NBAS: variants seen among roughly 807,000 people sequenced by gnomAD.
NBAS encodes the protein NBAS subunit of NRZ tethering complex.
NBAS carries 219 observed loss-of-function variants against 302.5 expected under a neutral mutation model. That is an observed-to-expected ratio of 0.72 (90% confidence interval 0.65 to 0.81). The LOEUF (loss-of-function observed/expected upper bound fraction) is 0.81. Ranked by LOEUF, NBAS falls within the 30% of genes least tolerant of loss-of-function variation. The probability of loss-of-function intolerance (pLI) is 0.00; values close to 1 mark genes in which losing one functional copy is unlikely to be tolerated. For synonymous variants in NBAS, 1,118 were observed against 1,021.6 expected, an observed-to-expected ratio of 1.09 and a Z score of -1.80; for missense variants, 2,932 against 2,841.6, an observed-to-expected ratio of 1.03 and a Z score of -0.72.
intron 29 of NBAS, among the ~76,000 whole-genome samples, chr2:15,380,493 CT>C (rs1674979557): frequency 6.6e-6 from 1 of 152,116 alleles, no homozygotes; most frequent in Admixed American, 6.5e-5. Flanking sequence ...AAATGCTATA[CT>C]TACAACCAGT....
At chr2:14,988,548 T>C in the NBAS span, among the ~76,000 whole-genome samples, 1 of 152,158 alleles carries the variant, frequency 6.6e-6, no homozygotes. Context: ...CACTGTGTCA[T>C]AGTTCCAATG....
chr2:15,542,583 T>A (rs1489381457), intron 6 of NBAS, among the ~76,000 whole-genome samples: 2 of 148,168 alleles, frequency 1.3e-5, no homozygotes, highest in Non-Finnish European at 3.0e-5. Context: ...CCTGTGACCC[T>A]GCCAAATCCC....
the NBAS span, among the ~76,000 whole-genome samples, chr2:15,093,536 A>G: frequency 6.6e-6 from 1 of 152,258 alleles, no homozygotes; most frequent in African/African-American, 2.4e-5. Context: ...CTGCAAAGCT[A>G]ATTGGCAATA....
chr2:15,033,618 ATAAT>A, the NBAS span, among the ~76,000 whole-genome samples: 1 of 152,078 alleles, frequency 6.6e-6, no homozygotes, highest in Non-Finnish European at 1.5e-5. Context: ...CCTTTGGGAG[ATAAT>A]TAGTTCATAA....
chr2:15,542,835 G>C (rs1663916127), intron 6 of NBAS, among the ~76,000 whole-genome samples: 1 of 152,126 alleles, frequency 6.6e-6, no homozygotes, highest in African/African-American at 2.4e-5. Flanking sequence ...ATTTCATTTT[G>C]ATAAGATAAA....
At chr2:14,847,105 C>T in the NBAS span, among the ~76,000 whole-genome samples, 16 of 151,992 alleles carry the variant, frequency 1.1e-4, no homozygotes, top group Admixed American at 3.3e-4. Flanking sequence ...CATAGACGGC[C>T]GGGCATGGTG....
chr2:15,318,663 A>G lies in NBAS; in HGVS notation c.4582+9087T>C, dbSNP rs546732260. Among the ~76,000 whole-genome samples the G allele has an allele frequency of 2.1e-4, 32 of 152,324 alleles. No individual in the cohort carries two copies. In the Middle Eastern group the frequency reaches 0.01, roughly 49 times the overall value. On this transcript the variant is annotated intron_variant, in intron 38 of 51. Transcript: ENST00000281513. ...CAAAAGAGACAGAGGAGGCCATTAC[A>G]TAATGGTAAAGGGATCAATTCAATA...
intron 41 of NBAS, 54 bp from the exon 42 acceptor site, chr2:15,287,237 C>T (rs1670086168): frequency 7.1e-7 from 1 of 1,404,438 alleles, no homozygotes; most frequent in Non-Finnish European, 1.0e-6. Flanking sequence ...CACATGACTT[C>T]AATCAGCAAC....
Position 15,512,420 on chromosome 2 carries a change from G to C in NBAS, c.747-1070C>G, listed in dbSNP as rs568252269. The stretch of plus-strand genomic sequence containing the variant: ...TAATTTTGTTCACCTTGTGTGGCAG[G>C]CAACACAATGGCCCCCAAAAGATGT... On this transcript the variant is annotated intron_variant, in intron 9 of 51. Coordinates refer to ENST00000281513, the MANE Select transcript of NBAS (RefSeq NM_015909.4). Among the ~76,000 whole-genome samples, 11 of 152,236 alleles carry C rather than the reference G, an allele frequency of 7.2e-5. 1 individual carries two copies. In the South Asian group the frequency reaches 1.5e-3, roughly 20 times the overall value.
intron 44 of NBAS, among the ~76,000 whole-genome samples, chr2:15,242,609 A>G (rs1667915357): frequency 6.6e-6 from 1 of 151,954 alleles, no homozygotes; most frequent in Non-Finnish European, 1.5e-5. Context: ...CAGAAGTAAA[A>G]GAAAGAAATG....
In NBAS at chr2:15,352,199, A is replaced by T. The variant is rs556918689; in HGVS notation, c.4090-118T>A. On this transcript the variant is annotated intron_variant, in intron 34 of 51. Transcript: ENST00000281513. ...AAAAGAAAATTACCTTTTCATAATG[A>T]TTAGTTTTGGTAACAGGCTTACTTC... is the stretch of plus-strand genomic sequence containing the variant. The T allele has an allele frequency of 2.4e-4, 176 of 730,696 alleles. 6 individuals carry two copies. The highest frequency in any genetic ancestry group is 2.4e-3 in the South Asian group (148 of 62,622). The allele number at this position is 730,696 out of a possible 1,614,324, so 45.3% of individuals were successfully genotyped here.
intron 40 of NBAS, among the ~76,000 whole-genome samples, chr2:15,300,647 A>G (rs563639348): frequency 1.1e-4 from 17 of 152,324 alleles, no homozygotes; most frequent in Admixed American, 2.6e-4. Context: ...TCACTGAACA[A>G]CTACAGTGGG....
chr2:15,553,723 CCCCTCG>C, intron 4 of NBAS, among the ~76,000 whole-genome samples: 1 of 146,078 alleles, frequency 6.8e-6, no homozygotes, highest in Non-Finnish European at 1.5e-5. Context: ...TCCCTCTCTC[CCCCTCG>C]CTCCCTCCCA....
At chr2:14,942,818 T>A in the NBAS span, among the ~76,000 whole-genome samples, 1 of 152,204 alleles carries the variant, frequency 6.6e-6, no homozygotes, top group Non-Finnish European at 1.5e-5. Flanking sequence ...AGTCTCAATC[T>A]GTAGAGAAAA....
At chr2:15,381,162 A>G (rs1675018171) in intron 29 of NBAS, among the ~76,000 whole-genome samples, 1 of 152,188 alleles carries the variant, frequency 6.6e-6, no homozygotes, top group Admixed American at 6.5e-5. Flanking sequence ...ATACTGAAAA[A>G]TACATTCACC....
In NBAS at chr2:15,439,578, T is replaced by C. The variant is rs112145953; in HGVS notation, c.2340-11784A>G. Among the ~76,000 whole-genome samples, 1,460 of 152,268 alleles carry C rather than the reference T, an allele frequency of 9.6e-3. 17 individuals carry two copies. The highest frequency in any genetic ancestry group is 0.03 in the African/African-American group (1,257 of 41,556). On this transcript the variant is annotated intron_variant, in intron 21 of 51. Coordinates refer to ENST00000281513, the MANE Select transcript of NBAS (RefSeq NM_015909.4). ...GGTCTACAGCTCCCAGCGTGAGCGA[T>C]GCAGAAGATGCATGATTTCTGCATT... is the stretch of plus-strand genomic sequence containing the variant.
At chr2:15,047,407 G>GAAGGCTGGGCTTATGCAGGTA in the NBAS span, among the ~76,000 whole-genome samples, 1 of 151,930 alleles carries the variant, frequency 6.6e-6, no homozygotes, top group Non-Finnish European at 1.5e-5. Context: ...CCCTGCAGGT[G>GAAGGCTGGGCTTATGCAGGTA]AAGGCTGGGC....
At chr2:15,018,906 G>A in the NBAS span, among the ~76,000 whole-genome samples, 1 of 152,076 alleles carries the variant, frequency 6.6e-6, no homozygotes, top group South Asian at 2.1e-4. Flanking sequence ...ATCATTTTAT[G>A]GAGAATTTCA....
chr2:15,057,037 C>T, the NBAS span, among the ~76,000 whole-genome samples: 2 of 151,950 alleles, frequency 1.3e-5, no homozygotes, highest in East Asian at 1.9e-4. Context: ...ACCATGTTGG[C>T]CAGGCTGGTC....
Sources: allele counts gnomAD v4.1 joint callset (sites outside exome capture counted in the v4.1 genomes callset), GRCh38; gene constraint gnomAD v4.1.1; transcripts MANE v1.5; gene names NCBI Gene and HGNC (gene_info 2026-07-23, HGNC 2026-07-21).